FANK1: variants seen among roughly 807,000 people sequenced by gnomAD.
FANK1 encodes the protein fibronectin type 3 and ankyrin repeat domains protein 1.
FANK1 carries 44 observed loss-of-function variants against 45.3 expected under a neutral mutation model. That is an observed-to-expected ratio of 0.97 (90% confidence interval 0.76 to 1.25). The LOEUF (loss-of-function observed/expected upper bound fraction) is 1.25. Among genes scored for constraint, FANK1 ranks in the 50% most tolerant of loss-of-function variants. The pLI, the probability that FANK1 is intolerant of heterozygous loss-of-function variation, is 0.00. For missense variants in FANK1, 391 were observed against 424.4 expected, an observed-to-expected ratio of 0.92 and a Z score of 0.69; for synonymous variants, 149 against 152.5, an observed-to-expected ratio of 0.98 and a Z score of 0.17.
intron 1 of FANK1, among the ~76,000 whole-genome samples, chr10:125,957,501 G>C (rs1949655155): frequency 6.6e-6 from 1 of 151,756 alleles, no homozygotes; most frequent in Admixed American, 6.6e-5. Context: ...TCTCAGCTTG[G>C]TTTATGTTAA....
intron 1 of FANK1, among the ~76,000 whole-genome samples, chr10:125,977,203 G>C (rs1950907017): frequency 6.6e-6 from 1 of 152,148 alleles, no homozygotes; most frequent in South Asian, 2.1e-4. Context: ...GTTCTTGCTG[G>C]TTCTTTCTCA....
intron 1 of FANK1, among the ~76,000 whole-genome samples, chr10:125,915,103 T>TC (rs1946344765): frequency 6.6e-6 from 1 of 152,080 alleles, no homozygotes; most frequent in South Asian, 2.1e-4. Flanking sequence ...CACTCCTGAG[T>TC]CGGGGCCCAG....
intron 3 of FANK1, chr10:125,994,544 C>A (rs1434866742): frequency 1.0e-6 from 1 of 985,280 alleles, no homozygotes; most frequent in African/African-American, 1.7e-5. Flanking sequence ...TCACCCCCAA[C>A]AACAGGTTGT....
intron 1 of FANK1, among the ~76,000 whole-genome samples, chr10:125,959,413 CAAAAAAA>C (rs767754151): frequency 1.3e-5 from 1 of 74,712 alleles, no homozygotes; most frequent in South Asian, 6.5e-4. Context: ...GACTCTGTCT[CAAAAAAA>C]AAAAAAAAAA....
At chr10:125,937,280 C>T (rs1366425964) in intron 1 of FANK1, among the ~76,000 whole-genome samples, 19 of 152,128 alleles carry the variant, frequency 1.2e-4, no homozygotes, top group Non-Finnish European at 2.9e-5. Flanking sequence ...TCTTTTAATA[C>T]ATTGCATGAT....
intron 1 of FANK1, among the ~76,000 whole-genome samples, chr10:125,929,429 C>T (rs529017470): frequency 4.0e-4 from 61 of 152,176 alleles, no homozygotes; most frequent in Non-Finnish European, 8.4e-4. Context: ...CAACAGCATT[C>T]CTCCTGGGGG....
chr10:125,981,138 C>T (rs1951181795), intron 2 of FANK1, among the ~76,000 whole-genome samples: 1 of 152,196 alleles, frequency 6.6e-6, no homozygotes. Flanking sequence ...TAGCCGGTTC[C>T]TTGACAGTGC....
At chr10:125,992,411 A>G (rs1304320929) in intron 3 of FANK1, among the ~76,000 whole-genome samples, 1 of 152,116 alleles carries the variant, frequency 6.6e-6, no homozygotes, top group African/African-American at 2.4e-5. Flanking sequence ...TAAGGAGTTA[A>G]CACTGAGAAA....
chr10:125,916,820 G>T (rs1288628215), intron 1 of FANK1, among the ~76,000 whole-genome samples: 2 of 152,186 alleles, frequency 1.3e-5, no homozygotes, highest in Non-Finnish European at 2.9e-5. Flanking sequence ...TCTCAGAAAT[G>T]ACAGGAAGAA....
chr10:125,952,465 T>C (rs1439505203), intron 1 of FANK1, among the ~76,000 whole-genome samples: 4 of 152,136 alleles, frequency 2.6e-5, no homozygotes, highest in African/African-American at 9.7e-5. Context: ...TGAATAAAGC[T>C]GTTTAAAAAA....
At chr10:125,917,296 C>T (rs1946525998) in intron 1 of FANK1, among the ~76,000 whole-genome samples, 1 of 152,198 alleles carries the variant, frequency 6.6e-6, no homozygotes, top group Non-Finnish European at 1.5e-5. Context: ...ACCGAAGTAG[C>T]TTGATGTTAA....
chr10:125,969,732 T>C (rs1950377877), intron 1 of FANK1, among the ~76,000 whole-genome samples: 1 of 152,162 alleles, frequency 6.6e-6, no homozygotes, highest in South Asian at 2.1e-4. Context: ...GATAAACATG[T>C]GAACAAAGGT....
chr10:125,951,427 C>A (rs748648879), intron 1 of FANK1, among the ~76,000 whole-genome samples: 1 of 152,128 alleles, frequency 6.6e-6, no homozygotes, highest in Non-Finnish European at 1.5e-5. Context: ...TGCAACTTCA[C>A]AGTGTTGCTG....
intron 1 of FANK1, among the ~76,000 whole-genome samples, chr10:125,963,930 G>T (rs550618165): frequency 1.3e-5 from 2 of 151,988 alleles, no homozygotes; most frequent in Non-Finnish European, 2.9e-5. Context: ...TTGCAGTGCA[G>T]CTTACCTGGA....
chr10:125,901,101 G>A (rs1375571281), intron 1 of FANK1, among the ~76,000 whole-genome samples: 2 of 152,108 alleles, frequency 1.3e-5, no homozygotes, highest in Admixed American at 6.5e-5. Flanking sequence ...GCTCACGCAT[G>A]TTTTTAAAGA....
chr10:125,984,535 G>C (rs1019935400), intron 2 of FANK1, among the ~76,000 whole-genome samples: 4 of 152,146 alleles, frequency 2.6e-5, no homozygotes, highest in Non-Finnish European at 5.9e-5. Context: ...GGGTGGAGTA[G>C]ATGCTCAGTT....
In FANK1 at chr10:125,996,528, T is replaced by G. The variant is rs1394214969; in HGVS notation, c.399-22T>G. On this transcript the variant is annotated intron_variant, in intron 4 of 10. Transcript: ENST00000368693. ...AGTAGCTGTACTGAGCATGTTTATC[T>G]CTTTTCTCTGCTTTTCCCAAGCCGT... The G allele has an allele frequency of 5.6e-6, 9 of 1,613,574 alleles. No individual in the cohort carries two copies. The African/African-American group carries it at 1.1e-4, about 19-fold the overall frequency.
rs530206814 is a variant in FANK1, at chr10:126,008,663, C to CTG, written c.849+125_849+126dup. The stretch of plus-strand genomic sequence containing the variant: ...GCCCTGCACCAGCCCTTGGGTTTGA[C>CTG]TGTGTGTGTGTGTTCCCTGTCGGCT... On this transcript the variant is annotated intron_variant, in intron 8 of 10. Coordinates refer to ENST00000368693, the MANE Select transcript of FANK1 (RefSeq NM_145235.5). 48 of 1,241,606 alleles carry CTG rather than the reference C, an allele frequency of 3.9e-5. 1 individual carries two copies. Among genetic ancestry groups the CTG allele is most frequent in the East Asian group, 7.2e-5 (3 of 41,616 alleles). The allele number at this position is 1,241,606 out of a possible 1,614,324, so 76.9% of individuals were successfully genotyped here. A position where few individuals can be genotyped will look rare whatever the true frequency, so the allele number is the denominator to read the frequency against.
chr10:125,918,556 CAAAAAAAAAAA>C (rs1156446362), intron 1 of FANK1, among the ~76,000 whole-genome samples: 2 of 7,098 alleles, frequency 2.8e-4, no homozygotes, highest in African/African-American at 7.2e-4. Flanking sequence ...GCCTCTGTCT[CAAAAAAAAAAA>C]AAAAAAAAAA....
Sources: gnomAD v4.1 joint callset for allele counts (sites outside exome capture counted in the v4.1 genomes callset) on GRCh38, gnomAD v4.1.1 for gene constraint, MANE v1.5 for transcripts, NCBI Gene and HGNC (gene_info 2026-07-23, HGNC 2026-07-21) for gene names.